TDRP: variants seen among roughly 807,000 people sequenced by gnomAD.
The protein encoded by TDRP is testis development-related protein.
A neutral mutation model predicts 10.5 loss-of-function variants in TDRP; 12 were observed. The observed-to-expected ratio is 1.15, with a 90% CI of 0.73 to 1.86. TDRP has a LOEUF of 1.86. Ranked by LOEUF, TDRP falls within the 40% of genes most tolerant of loss-of-function variation. TDRP has a pLI of 0.00. For synonymous variants in TDRP, 139 were observed against 95.4 expected (o/e 1.46, Z -2.67); for missense variants, 353 against 229.2 (o/e 1.54, Z -3.49).
At chr8:538,184 G>A (rs891972942) in intron 1 of TDRP, among the ~76,000 whole-genome samples, 6 of 152,186 alleles carry the variant, frequency 3.9e-5, no homozygotes, top group Admixed American at 6.5e-5. Context: ...AAGGAGTCTC[G>A]GGATGGGAAG....
At chr8:529,416 A>G (rs917825216) in intron 1 of TDRP, among the ~76,000 whole-genome samples, 3 of 152,198 alleles carry the variant, frequency 2.0e-5, no homozygotes, top group Admixed American at 2.0e-4. Flanking sequence ...CACCACCATT[A>G]CTATATTATA....
At chr8:532,164 C>T (rs1220335844) in intron 1 of TDRP, among the ~76,000 whole-genome samples, 2 of 152,212 alleles carry the variant, frequency 1.3e-5, no homozygotes, top group East Asian at 3.8e-4. Flanking sequence ...ACCACATCCA[C>T]TAACCTCTGT....
chr8:520,206 G>C (rs889258131), intron 1 of TDRP, among the ~76,000 whole-genome samples: 4 of 152,188 alleles, frequency 2.6e-5, no homozygotes, highest in Admixed American at 6.5e-5. Context: ...CCACGCATTA[G>C]TTGTTTTTTT....
chr8:500,287 CCT>C, intron 1 of TDRP, among the ~76,000 whole-genome samples: 1 of 152,226 alleles, frequency 6.6e-6, no homozygotes, highest in South Asian at 2.1e-4. Context: ...CAAAATTATT[CCT>C]GTTAGGTTAA....
chr8:524,736 C>G (rs562049038), intron 1 of TDRP, among the ~76,000 whole-genome samples: 1 of 152,256 alleles, frequency 6.6e-6, no homozygotes, highest in South Asian at 2.1e-4. Flanking sequence ...ATCTTGAAGA[C>G]AGGCTATTGA....
chr8:494,632 G>A (rs1200436176), intron 1 of TDRP, 35 bp from the exon 2 acceptor site: 8 of 1,577,130 alleles, frequency 5.1e-6, no homozygotes, highest in South Asian at 4.5e-5. Context: ...CAAATCTGAT[G>A]TCATGAATCA....
intron 1 of TDRP, among the ~76,000 whole-genome samples, chr8:500,988 C>A (rs539369409): frequency 1.3e-5 from 2 of 152,104 alleles, no homozygotes. Flanking sequence ...GGGTGGATCA[C>A]AAGGTCAGGA....
intron 1 of TDRP, among the ~76,000 whole-genome samples, chr8:536,261 G>C (rs993257541): frequency 2.0e-5 from 3 of 152,210 alleles, no homozygotes; most frequent in African/African-American, 4.8e-5. Context: ...ACAGGCCCAA[G>C]CAAGTAGAAG....
At chr8:501,764 C>CATGT (rs546769244) in intron 1 of TDRP, among the ~76,000 whole-genome samples, 1 of 152,328 alleles carries the variant, frequency 6.6e-6, no homozygotes, top group South Asian at 2.1e-4. Context: ...GCAGGGTGAC[C>CATGT]ATGTGCAGGG....
At chr8:497,156 G>A (rs1465547794) in intron 1 of TDRP, among the ~76,000 whole-genome samples, 1 of 152,240 alleles carries the variant, frequency 6.6e-6, no homozygotes, top group Non-Finnish European at 1.5e-5. Flanking sequence ...TGGGGCAGAG[G>A]CTGGAATAGT....
chr8:514,101 G>C (rs1801690134), intron 1 of TDRP, among the ~76,000 whole-genome samples: 3 of 152,070 alleles, frequency 2.0e-5, no homozygotes, highest in South Asian at 2.1e-4. Context: ...CTGACTCTAA[G>C]ATGCATACAA....
chr8:532,274 A>C (rs570565280), intron 1 of TDRP, among the ~76,000 whole-genome samples: 2 of 152,298 alleles, frequency 1.3e-5, no homozygotes, highest in African/African-American at 4.8e-5. Flanking sequence ...TTGCAGGGTG[A>C]AGGATGCTGG....
Position 492,505 on chromosome 8 carries a change from C to G in TDRP, c.452G>C (p.Ser151Thr). The change falls in exon 3 of 3, where the codon AGC (serine) becomes ACC (threonine). Residue 151 changes from serine to threonine, a missense_variant. By Grantham distance (58) the Ser-to-Thr change is moderately conservative (BLOSUM62 1). Transcript: ENST00000324079. ...KGSTKYTSLA[S>T]SANSSRWSLR... ...GCTCCACCTGGAGCTGTTGGCAGAG[C>G]TGGCCAGGCTGGTGTACTTGGTCGA... 1 of 1,610,026 alleles carries G rather than the reference C, an allele frequency of 6.2e-7. No individual in the cohort carries two copies. The highest frequency in any genetic ancestry group is 1.3e-5 in the African/African-American group (1 of 74,994).
chr8:493,138 T>C (rs1321032944), intron 2 of TDRP, among the ~76,000 whole-genome samples: 1 of 152,196 alleles, frequency 6.6e-6, no homozygotes, highest in Non-Finnish European at 1.5e-5. Context: ...AGGTTTTCAA[T>C]TGGATTAACA....
chr8:528,741 T>G (rs1438766336), intron 1 of TDRP, among the ~76,000 whole-genome samples: 2 of 152,204 alleles, frequency 1.3e-5, no homozygotes, highest in African/African-American at 4.8e-5. Flanking sequence ...CATGTACCCC[T>G]GTACCAGTCA....
intron 1 of TDRP, among the ~76,000 whole-genome samples, chr8:498,302 C>T (rs182437581): frequency 3.9e-5 from 6 of 152,192 alleles, no homozygotes; most frequent in South Asian, 2.1e-4. Flanking sequence ...ATGCCCAATG[C>T]GTTGGAAGCC....
intron 1 of TDRP, among the ~76,000 whole-genome samples, chr8:500,966 G>A (rs1273015045): frequency 6.6e-6 from 1 of 152,206 alleles, no homozygotes; most frequent in Non-Finnish European, 1.5e-5. Flanking sequence ...CAGCACTCTG[G>A]GAGGCCAAGG....
intron 1 of TDRP, among the ~76,000 whole-genome samples, chr8:512,380 C>G (rs1409745284): frequency 6.6e-6 from 1 of 152,068 alleles, no homozygotes; most frequent in Non-Finnish European, 1.5e-5. Flanking sequence ...CTGCAGTGAG[C>G]CAAGATCGTG....
At chr8:526,346 T>C (rs1308588503) in intron 1 of TDRP, among the ~76,000 whole-genome samples, 1 of 152,210 alleles carries the variant, frequency 6.6e-6, no homozygotes, top group East Asian at 1.9e-4. Context: ...ATACTAGCTA[T>C]GAATCTGTTG....
Sources: allele counts gnomAD v4.1 joint callset (sites outside exome capture counted in the v4.1 genomes callset), GRCh38; gene constraint gnomAD v4.1.1; transcripts MANE v1.5; gene names NCBI Gene and HGNC (gene_info 2026-07-23, HGNC 2026-07-21).